Variants in LINGO2 observed in about 807,000 individuals in gnomAD.
The protein encoded by LINGO2 is leucine rich repeat and Ig domain containing 2.
Under a neutral mutation model 30.6 loss-of-function variants are expected in LINGO2, and 14 were observed. That is an observed-to-expected ratio of 0.46 (90% CI 0.30 to 0.72). LINGO2 has a LOEUF of 0.72. Ranked by LOEUF, LINGO2 falls within the 30% of genes least tolerant of loss-of-function variation. LINGO2 has a pLI of 0.07. For missense variants in LINGO2, 729 were observed against 751.7 expected (o/e 0.97, Z 0.35); for synonymous variants, 317 against 288.5 (o/e 1.10, Z -1.00).
At chr9:28,189,609 AAGGG>A (rs796099980) in intron 4 of LINGO2, among the ~76,000 whole-genome samples, 1 of 3,068 alleles carries the variant, frequency 3.3e-4, no homozygotes, top group Non-Finnish European at 9.5e-4. Context: ...GGGAGGAAGG[AAGGG>A]AGGGAGGGAG....
the LINGO2 span, among the ~76,000 whole-genome samples, chr9:28,782,653 C>G: frequency 6.6e-6 from 1 of 152,154 alleles, no homozygotes; most frequent in African/African-American, 2.4e-5. Context: ...ATGCAAAACT[C>G]TCCTCTTTTT....
chr9:28,944,088 T>G, the LINGO2 span, among the ~76,000 whole-genome samples: 1 of 152,270 alleles, frequency 6.6e-6, no homozygotes, highest in South Asian at 2.1e-4. Context: ...CTCTATAAAT[T>G]AAGGCAGTAA....
chr9:28,887,687 T>A, the LINGO2 span, among the ~76,000 whole-genome samples: 1 of 152,152 alleles, frequency 6.6e-6, no homozygotes, highest in South Asian at 2.1e-4. Flanking sequence ...TGGGTTTAGA[T>A]GTGGGGCAAA....
the LINGO2 span, among the ~76,000 whole-genome samples, chr9:29,119,577 C>CTT: frequency 5.4e-3 from 443 of 82,460 alleles, 2 homozygotes; most frequent in Middle Eastern, 0.011. Flanking sequence ...CAGTTGTCAT[C>CTT]TTTTTTTTTT....
intron 4 of LINGO2, among the ~76,000 whole-genome samples, chr9:28,064,041 T>C (rs975339132): frequency 1.7e-4 from 26 of 152,084 alleles, no homozygotes; most frequent in African/African-American, 6.3e-4. Context: ...CCAAAAACAA[T>C]GTGTGATCAT....
At chr9:29,028,505 C>T in the LINGO2 span, among the ~76,000 whole-genome samples, 1 of 151,532 alleles carries the variant, frequency 6.6e-6, no homozygotes, top group Non-Finnish European at 1.5e-5. Flanking sequence ...TCTAGTTCTT[C>T]AGTTATCCTT....
intron 1 of LINGO2, among the ~76,000 whole-genome samples, chr9:28,557,861 C>A (rs1387234005): frequency 6.6e-6 from 1 of 151,630 alleles, no homozygotes; most frequent in Non-Finnish European, 1.5e-5. Context: ...ATGGATGAAG[C>A]TGGAAACCAT....
At chr9:29,112,668 G>GA in the LINGO2 span, among the ~76,000 whole-genome samples, 1 of 152,210 alleles carries the variant, frequency 6.6e-6, no homozygotes, top group African/African-American at 2.4e-5. Flanking sequence ...AAACATACTG[G>GA]AAAAATGCTA....
At chr9:29,111,128 C>CT in the LINGO2 span, among the ~76,000 whole-genome samples, 1 of 152,022 alleles carries the variant, frequency 6.6e-6, no homozygotes, top group African/African-American at 2.4e-5. Flanking sequence ...AAGAATGATC[C>CT]TTTTTTAAAA....
At chr9:28,699,544 T>G in the LINGO2 span, among the ~76,000 whole-genome samples, 1 of 151,940 alleles carries the variant, frequency 6.6e-6, no homozygotes, top group Non-Finnish European at 1.5e-5. Flanking sequence ...TCAGTGCACC[T>G]TGAAAAAGAA....
the LINGO2 span, among the ~76,000 whole-genome samples, chr9:28,790,325 C>CTTTGTTTTTTTTTTTTTTTTT: frequency 9.4e-6 from 1 of 106,300 alleles, no homozygotes; most frequent in African/African-American, 3.9e-5. Flanking sequence ...TCTTTTCTTT[C>CTTTGTTTTTTTTTTTTTTTTT]TTTTTTTTTT....
chr9:28,530,595 A>G (rs1224826899), intron 1 of LINGO2, among the ~76,000 whole-genome samples: 1 of 152,180 alleles, frequency 6.6e-6, no homozygotes, highest in Non-Finnish European at 1.5e-5. Flanking sequence ...AATGAAACCT[A>G]TAGGGATTTC....
At chr9:28,421,821 T>C (rs1823210548) in intron 2 of LINGO2, among the ~76,000 whole-genome samples, 1 of 152,002 alleles carries the variant, frequency 6.6e-6, no homozygotes, top group Non-Finnish European at 1.5e-5. Flanking sequence ...TACAGGCATA[T>C]AGACCAAAAA....
the LINGO2 span, among the ~76,000 whole-genome samples, chr9:28,946,679 T>C: frequency 2.0e-5 from 3 of 151,926 alleles, no homozygotes; most frequent in African/African-American, 7.3e-5. Context: ...ACACTGAGAG[T>C]TGGCTTTCTT....
chr9:28,025,034 A>C (rs1038273603), intron 4 of LINGO2, among the ~76,000 whole-genome samples: 1 of 152,152 alleles, frequency 6.6e-6, no homozygotes, highest in Non-Finnish European at 1.5e-5. Flanking sequence ...CATTTCACAT[A>C]ATGTGAGGAT....
At chr9:29,060,506 A>C in the LINGO2 span, among the ~76,000 whole-genome samples, 1 of 152,066 alleles carries the variant, frequency 6.6e-6, no homozygotes, top group Non-Finnish European at 1.5e-5. Flanking sequence ...ATTATTTTAA[A>C]TGTCCAAGAC....
intron 4 of LINGO2, among the ~76,000 whole-genome samples, chr9:28,030,622 G>A (rs753035483): frequency 7.2e-5 from 11 of 152,170 alleles, no homozygotes; most frequent in Admixed American, 1.3e-4. Context: ...TCTGCTCCAG[G>A]ACCTGGTATC....
rs1564196132 is a variant in LINGO2, at chr9:28,433,923, T to TCTCTCTCTCTCTCTCTCTC, written c.-279+42016_-279+42017insGAGAGAGAGAGAGAGAGAG. 5.6e-3 allele frequency among the ~76,000 whole-genome samples: 610 copies of TCTCTCTCTCTCTCTCTCTC among 109,642 alleles called. 123 individuals carry two copies. The highest frequency in any genetic ancestry group is 8.9e-3 in the Non-Finnish European group (441 of 49,758). 71.9% of individuals were successfully genotyped at this position (109,642 alleles called of 152,430 possible). A position where few individuals can be genotyped will look rare whatever the true frequency, so the allele number is the denominator to read the frequency against. ...TGGATAAAGAAAATGTGCTCTCTCT[T>TCTCTCTCTCTCTCTCTCTC]TCTCTCTCTCTCTCTCTCTCTCTCT... is the stretch of plus-strand genomic sequence containing the variant. On this transcript the variant is annotated intron_variant, in intron 2 of 5. Transcript: ENST00000379992.
chr9:28,858,426 T>A, the LINGO2 span, among the ~76,000 whole-genome samples: 1 of 152,116 alleles, frequency 6.6e-6, no homozygotes, highest in African/African-American at 2.4e-5. Flanking sequence ...CTCTACTGTC[T>A]GATAAATGAA....
Sources: allele counts gnomAD v4.1 joint callset (sites outside exome capture counted in the v4.1 genomes callset), GRCh38; gene constraint gnomAD v4.1.1; transcripts MANE v1.5; gene names NCBI Gene and HGNC (gene_info 2026-07-23, HGNC 2026-07-21).